CHD2: variants seen among roughly 807,000 people sequenced by gnomAD.
CHD2 encodes ATP-dependent chromatin remodeler CHD2.
CHD2 carries 28 observed loss-of-function variants against 243.9 expected under a neutral mutation model. The observed-to-expected ratio is 0.11, with a 90% CI of 0.09 to 0.16. The LOEUF is 0.16. Among genes scored for constraint, CHD2 ranks in the 10% least tolerant of loss-of-function variants. The probability of loss-of-function intolerance (pLI) is 1.00; values close to 1 mark genes in which losing one functional copy is unlikely to be tolerated. For missense variants in CHD2, 1,386 were observed against 2,209.8 expected (o/e 0.63, Z 7.47); for synonymous variants, 775 against 779.0 (o/e 0.99, Z 0.09).
intron 7 of CHD2, among the ~76,000 whole-genome samples, chr15:92,940,308 CGA>C (rs1005868624): frequency 3.1e-4 from 47 of 152,036 alleles, no homozygotes; most frequent in African/African-American, 1.1e-3. Flanking sequence ...AAGAAAAAGC[CGA>C]GTGTGGTGGC....
At chr15:92,945,752 C>G (rs1327070105) in intron 10 of CHD2, 69 bp from the exon 11 acceptor site, 1 of 967,288 alleles carries the variant, frequency 1.0e-6, no homozygotes, top group East Asian at 2.7e-5. Flanking sequence ...ACATTTTATT[C>G]ATAGAACCCA....
chr15:92,950,659 G>A (rs2053541644), intron 13 of CHD2, among the ~76,000 whole-genome samples: 1 of 151,936 alleles, frequency 6.6e-6, no homozygotes, highest in Admixed American at 6.6e-5. Context: ...GGGCTGAGGT[G>A]GGAGGATCGC....
intron 5 of CHD2, among the ~76,000 whole-genome samples, chr15:92,930,728 A>C (rs1433195473): frequency 6.6e-6 from 1 of 152,076 alleles, no homozygotes; most frequent in African/African-American, 2.4e-5. Context: ...CCCGCCACTT[A>C]TCAGTCTTAA....
rs1040550014 is a variant in CHD2 at position 92,927,280 on chromosome 15, C to A, written c.331C>A (p.Arg111=). The part of the protein sequence containing the change: ...EEYPDVYGVR[R]SNRSRQEPSR... ...ATATCCTGATGTTTATGGGGTCAGG[C>A]GGTCAAACCGAAGCAGACAAGAACC... The change falls in exon 4 of 39, where the codon CGG becomes AGG. Residue 111 remains arginine (R), a synonymous_variant. Transcript: ENST00000394196. The A allele has an allele frequency of 8.7e-6, 14 of 1,613,470 alleles. No homozygotes were observed. The highest frequency in any genetic ancestry group is 1.3e-5 in the African/African-American group (1 of 74,994).
intron 33 of CHD2, among the ~76,000 whole-genome samples, chr15:93,003,464 TTAAAG>T (rs1046213195): frequency 6.6e-6 from 1 of 152,106 alleles, no homozygotes; most frequent in African/African-American, 2.4e-5. Flanking sequence ...ATTATTTTTC[TTAAAG>T]TAAAATATTA....
intron 2 of CHD2, among the ~76,000 whole-genome samples, chr15:92,919,998 A>G (rs747406357): frequency 2.6e-5 from 4 of 152,130 alleles, no homozygotes; most frequent in Non-Finnish European, 5.9e-5. Context: ...TTTGATTTTC[A>G]TTGTTGTTAT....
intron 2 of CHD2, among the ~76,000 whole-genome samples, chr15:92,909,943 T>A (rs1476128625): frequency 9.2e-5 from 2 of 21,836 alleles, no homozygotes; most frequent in African/African-American, 1.2e-4. Flanking sequence ...GTTTTACGTG[T>A]GTGTGTGTGT....
Position 92,985,607 on chromosome 15 carries a change from G to A in CHD2, c.3347G>A (p.Arg1116His). 3 of 1,613,968 alleles carry A rather than the reference G, an allele frequency of 1.9e-6. No individual in the cohort carries two copies. Among genetic ancestry groups the A allele is most frequent in the Non-Finnish European group, 2.5e-6 (3 of 1,180,008 alleles). ...EDSDDDKKPK[R>H]RGRPRSVRKD... ...TCTGATGATGACAAGAAGCCAAAGC[G>A]CAGAGGGCGTCCGAGGAGTGTGCGG... The change falls in exon 26 of 39, where the codon CGC becomes CAC. Residue 1116 changes from arginine to histidine, a missense_variant. Arg to His is a conservative substitution (Grantham distance 29). Transcript: ENST00000394196.
intron 33 of CHD2, among the ~76,000 whole-genome samples, chr15:93,003,356 C>G (rs2054281358): frequency 6.6e-6 from 1 of 151,248 alleles, no homozygotes; most frequent in Non-Finnish European, 1.5e-5. Context: ...ATGTTAGAAG[C>G]AATTTGAATT....
intron 19 of CHD2, 149 bp from the exon 20 acceptor site, chr15:92,974,730 A>G: frequency 1.6e-6 from 1 of 638,074 alleles, no homozygotes; most frequent in East Asian, 2.9e-5. Context: ...GTGCTTCTTA[A>G]GCACAGCTTC....
At chr15:92,978,659 T>C (rs2053939009) in intron 21 of CHD2, among the ~76,000 whole-genome samples, 2 of 152,244 alleles carry the variant, frequency 1.3e-5, no homozygotes, top group Admixed American at 6.5e-5. Context: ...GACTTAGAAC[T>C]GAACATTTTC....
chr15:92,910,904 C>G (rs2052721375), intron 2 of CHD2, among the ~76,000 whole-genome samples: 1 of 152,142 alleles, frequency 6.6e-6, no homozygotes, highest in Non-Finnish European at 1.5e-5. Context: ...GCCTACTGCA[C>G]ACTTATGCTG....
chr15:92,903,395 G>T (rs924452789), intron 2 of CHD2, among the ~76,000 whole-genome samples: 1 of 152,144 alleles, frequency 6.6e-6, no homozygotes, highest in Non-Finnish European at 1.5e-5. Context: ...GTAAACTTTG[G>T]TCTGAGAATT....
At chr15:92,950,430 G>T (rs896245291) in intron 13 of CHD2, 1 of 152,206 alleles carries the variant, frequency 6.6e-6, no homozygotes, top group African/African-American at 2.4e-5. Flanking sequence ...AGAACATGCA[G>T]TGTAAGAAGT....
chr15:92,932,872 A>G (rs2053198382), intron 5 of CHD2, among the ~76,000 whole-genome samples: 1 of 150,536 alleles, frequency 6.6e-6, no homozygotes, highest in Admixed American at 6.6e-5. Flanking sequence ...CCTCCTGAGT[A>G]GCTGGGATTA....
chr15:92,973,172 T>C (rs2053864806), intron 19 of CHD2, among the ~76,000 whole-genome samples: 1 of 152,154 alleles, frequency 6.6e-6, no homozygotes, highest in African/African-American at 2.4e-5. Flanking sequence ...ACACTGCTAC[T>C]TAAAACCTTG....
intron 16 of CHD2, among the ~76,000 whole-genome samples, chr15:92,962,880 A>G (rs991286151): frequency 5.3e-5 from 8 of 152,198 alleles, no homozygotes; most frequent in African/African-American, 1.7e-4. Context: ...GGTCAATATC[A>G]GAATGTCCCA....
chr15:92,981,927 TGAG>T (rs1312249799), intron 24 of CHD2, among the ~76,000 whole-genome samples: 1 of 152,114 alleles, frequency 6.6e-6, no homozygotes, highest in Non-Finnish European at 1.5e-5. Context: ...TTACATGAAA[TGAG>T]GACTAAACAC....
At chr15:92,992,745 G>A (rs2054136913) in intron 27 of CHD2, 114 bp from the exon 28 acceptor site, 14 of 1,340,922 alleles carry the variant, frequency 1.0e-5, no homozygotes, top group South Asian at 4.1e-5. Context: ...CTAAAGGAAC[G>A]CAAAGAAAAG....
Sources: gnomAD v4.1 joint callset for allele counts (sites outside exome capture counted in the v4.1 genomes callset) on GRCh38, gnomAD v4.1.1 for gene constraint, MANE v1.5 for transcripts, NCBI Gene and HGNC (gene_info 2026-07-23, HGNC 2026-07-21) for gene names.